Variants in LRP1B observed in about 807,000 individuals in gnomAD.
LRP1B encodes LDL receptor related protein 1B.
In LRP1B, 217 loss-of-function variants were observed where a neutral mutation model predicts 556.6. The ratio of observed to expected loss-of-function variants is 0.39; its 90% confidence interval spans 0.35 to 0.44. LRP1B has a LOEUF of 0.44. LRP1B is among the 20% of genes least tolerant of loss of function. The probability of loss-of-function intolerance (pLI) is 1.00; values close to 1 mark genes in which losing one functional copy is unlikely to be tolerated. For synonymous variants in LRP1B, 2,047 were observed against 1,865.8 expected, an observed-to-expected ratio of 1.10 and a Z score of -2.50; for missense variants, 5,053 against 5,620.8, an observed-to-expected ratio of 0.90 and a Z score of 3.23.
At chr2:142,039,934 G>C (rs1252198892) in intron 1 of LRP1B, among the ~76,000 whole-genome samples, 3 of 151,428 alleles carry the variant, frequency 2.0e-5, no homozygotes, top group Non-Finnish European at 3.0e-5. Context: ...ACCATTTTAA[G>C]AAATACACTG....
intron 41 of LRP1B, among the ~76,000 whole-genome samples, chr2:140,676,361 TA>T (rs1428136674): frequency 6.6e-6 from 1 of 152,154 alleles, no homozygotes. Context: ...GATTTAAAAA[TA>T]AGAGATATTT....
At chr2:140,787,457 T>A (rs543084614) in intron 32 of LRP1B, among the ~76,000 whole-genome samples, 2 of 152,032 alleles carry the variant, frequency 1.3e-5, no homozygotes, top group South Asian at 4.1e-4. Context: ...ATTCACCTGA[T>A]CCCTTATGGG....
In LRP1B at chr2:142,079,762, G is replaced by A. The variant is rs1206881236; in HGVS notation, c.82+50886C>T. ...TGACCTCAGGTAATCCACTCACCTT[G>A]GCCTCCCAAAGTGCTAGGATTACAA... On this transcript the variant is annotated intron_variant, in intron 1 of 90. Coordinates refer to ENST00000389484, the MANE Select transcript of LRP1B (RefSeq NM_018557.3). 1.3e-5 allele frequency among the ~76,000 whole-genome samples: 2 copies of A among 152,056 alleles called. 1 individual carries two copies. The highest frequency in any genetic ancestry group is 1.3e-4 in the Admixed American group (2 of 15,252).
At chr2:141,122,765 T>C (rs1574096430) in intron 7 of LRP1B, among the ~76,000 whole-genome samples, 1 of 152,046 alleles carries the variant, frequency 6.6e-6, no homozygotes, top group Admixed American at 6.6e-5. Flanking sequence ...TACCTAAAGG[T>C]TTATAAATCA....
chr2:140,920,303 T>C (rs1261316079), intron 21 of LRP1B, among the ~76,000 whole-genome samples: 1 of 152,028 alleles, frequency 6.6e-6, no homozygotes, highest in Non-Finnish European at 1.5e-5. Context: ...TACTTGAAGT[T>C]AGCTCTCATT....
At chr2:141,968,979 C>T (rs957069542) in intron 1 of LRP1B, among the ~76,000 whole-genome samples, 3 of 151,428 alleles carry the variant, frequency 2.0e-5, no homozygotes, top group African/African-American at 7.3e-5. Flanking sequence ...TCTTTCAGTT[C>T]TCTCTGTCCT....
chr2:141,571,915 G>A (rs1411070439), intron 2 of LRP1B, among the ~76,000 whole-genome samples: 2 of 152,138 alleles, frequency 1.3e-5, no homozygotes, highest in East Asian at 1.9e-4. Context: ...AAGCCTCCAA[G>A]AAATATGGGA....
chr2:140,556,904 G>T (rs1680754337), intron 43 of LRP1B, among the ~76,000 whole-genome samples: 1 of 151,964 alleles, frequency 6.6e-6, no homozygotes, highest in Non-Finnish European at 1.5e-5. Context: ...AAATGTATAT[G>T]TAATGGTGGG....
At chr2:141,677,814 T>C (rs1455444581) in intron 2 of LRP1B, among the ~76,000 whole-genome samples, 1 of 152,140 alleles carries the variant, frequency 6.6e-6, no homozygotes, top group Non-Finnish European at 1.5e-5. Context: ...TTAAAAGCAT[T>C]AGGAAACATA....
At chr2:140,367,286 G>A (rs564108719) in intron 71 of LRP1B, among the ~76,000 whole-genome samples, 10 of 151,886 alleles carry the variant, frequency 6.6e-5, no homozygotes, top group African/African-American at 2.2e-4. Flanking sequence ...AGTATCTTAA[G>A]TAAAAGTTAA....
At chr2:141,960,745 A>C (rs1262481239) in intron 1 of LRP1B, among the ~76,000 whole-genome samples, 1 of 151,884 alleles carries the variant, frequency 6.6e-6, no homozygotes, top group Non-Finnish European at 1.5e-5. Flanking sequence ...GGGAAATTGC[A>C]TTCTGCAAAG....
chr2:141,764,748 T>C (rs1036217650), intron 2 of LRP1B, among the ~76,000 whole-genome samples: 7 of 152,104 alleles, frequency 4.6e-5, no homozygotes, highest in African/African-American at 1.7e-4. Context: ...AACCAAAATG[T>C]TTATAACTAT....
At chr2:140,328,807 T>C (rs1480767829) in intron 79 of LRP1B, among the ~76,000 whole-genome samples, 1 of 151,536 alleles carries the variant, frequency 6.6e-6, no homozygotes, top group East Asian at 1.9e-4. Context: ...AACACACTTA[T>C]TTTTCATACA....
intron 43 of LRP1B, among the ~76,000 whole-genome samples, chr2:140,589,897 G>A (rs1226378124): frequency 6.6e-6 from 1 of 152,028 alleles, no homozygotes; most frequent in Non-Finnish European, 1.5e-5. Flanking sequence ...AGCAACATGT[G>A]GGATCATTGG....
At chr2:141,812,746 T>C (rs981014868) in intron 1 of LRP1B, among the ~76,000 whole-genome samples, 6 of 152,084 alleles carry the variant, frequency 3.9e-5, no homozygotes, top group Non-Finnish European at 8.8e-5. Flanking sequence ...TAGGAGACTC[T>C]TGCAATTCTC....
At chr2:140,638,023 A>C (rs1225209756) in intron 41 of LRP1B, among the ~76,000 whole-genome samples, 1 of 152,234 alleles carries the variant, frequency 6.6e-6, no homozygotes, top group African/African-American at 2.4e-5. Flanking sequence ...ATGTAATTAG[A>C]GCATGATATT....
intron 2 of LRP1B, among the ~76,000 whole-genome samples, chr2:141,531,205 G>A (rs1684859651): frequency 6.6e-6 from 1 of 151,902 alleles, no homozygotes; most frequent in Non-Finnish European, 1.5e-5. Flanking sequence ...TTAGGCAGAT[G>A]GTAGCAAACC....
intron 7 of LRP1B, among the ~76,000 whole-genome samples, chr2:141,100,253 C>T (rs1700426085): frequency 6.6e-6 from 1 of 152,280 alleles, no homozygotes; most frequent in African/African-American, 2.4e-5. Flanking sequence ...GTGCCTAGCA[C>T]ATTGTATAAT....
intron 82 of LRP1B, among the ~76,000 whole-genome samples, chr2:140,320,738 C>CT (rs1680069254): frequency 1.3e-5 from 2 of 152,000 alleles, no homozygotes; most frequent in South Asian, 4.1e-4. Context: ...AGAACACTGC[C>CT]TTTGTGTCTG....
Sources: allele counts gnomAD v4.1 joint callset (sites outside exome capture counted in the v4.1 genomes callset), GRCh38; gene constraint gnomAD v4.1.1; transcripts MANE v1.5; gene names NCBI Gene and HGNC (gene_info 2026-07-23, HGNC 2026-07-21).